PTPRZ1: variants seen among roughly 807,000 people sequenced by gnomAD.
The protein encoded by PTPRZ1 is protein tyrosine phosphatase receptor type Z1.
PTPRZ1 carries 82 observed loss-of-function variants against 214.1 expected under a neutral mutation model. That is an observed-to-expected ratio of 0.38 (90% CI 0.32 to 0.46). The LOEUF is 0.46. Ranked by LOEUF, PTPRZ1 falls within the 20% of genes least tolerant of loss-of-function variation. PTPRZ1 has a pLI of 1.00. For missense variants in PTPRZ1, 2,603 were observed against 2,748.7 expected (o/e 0.95, Z 1.19); for synonymous variants, 945 against 987.9 (o/e 0.96, Z 0.81).
intron 14 of PTPRZ1, among the ~76,000 whole-genome samples, chr7:122,030,227 A>G (rs1350995765): frequency 6.6e-6 from 1 of 152,014 alleles, no homozygotes; most frequent in African/African-American, 2.4e-5. Context: ...GATCACCTGA[A>G]TATGCATGTT....
chr7:121,948,935 C>T (rs1366182734), intron 2 of PTPRZ1, among the ~76,000 whole-genome samples: 1 of 152,074 alleles, frequency 6.6e-6, no homozygotes, highest in African/African-American at 2.4e-5. Flanking sequence ...AAATGTGAGA[C>T]AGGTCTCAGT....
rs370014497 is a variant in PTPRZ1 at position 121,976,843 on chromosome 7, G to A, written c.611G>A (p.Ser204Asn). The A allele has an allele frequency of 1.2e-6, 2 of 1,610,500 alleles. No individual in the cohort carries two copies. Among genetic ancestry groups the A allele is most frequent in the East Asian group, 2.2e-5 (1 of 44,660 alleles). The change falls in exon 6 of 30, where the codon AGT (serine) becomes AAT (asparagine). Residue 204 changes from serine (S) to asparagine (N), a missense_variant. By Grantham distance (46) the Ser-to-Asn change is conservative. Coordinates refer to ENST00000393386, the MANE Select transcript of PTPRZ1 (RefSeq NM_002851.3). ...KAIIDGVESV[S>N]RFGKQAALDP... ...ATTATTGATGGAGTCGAAAGTGTTA[G>A]TCGTTTTGGTAAGCTACTTGGGGAA...
intron 13 of PTPRZ1, chr7:122,028,169 C>A (rs1269272984): frequency 6.1e-6 from 1 of 163,382 alleles, no homozygotes; most frequent in Non-Finnish European, 1.3e-5. Flanking sequence ...GACATTATTT[C>A]TTTTCTTCTC....
At chr7:121,884,157 T>C (rs1794326196) in intron 1 of PTPRZ1, among the ~76,000 whole-genome samples, 1 of 152,190 alleles carries the variant, frequency 6.6e-6, no homozygotes, top group African/African-American at 2.4e-5. Context: ...TTTAAAAGTA[T>C]GACTGAATCG....
intron 1 of PTPRZ1, among the ~76,000 whole-genome samples, chr7:121,925,528 A>G (rs1795729834): frequency 6.6e-6 from 1 of 152,220 alleles, no homozygotes; most frequent in Non-Finnish European, 1.5e-5. Context: ...CAAAAATTGC[A>G]CCAAAGTTAA....
intron 21 of PTPRZ1, among the ~76,000 whole-genome samples, chr7:122,041,292 T>C (rs1799724732): frequency 6.6e-6 from 1 of 152,090 alleles, no homozygotes; most frequent in Admixed American, 6.5e-5. Context: ...AATATTTACC[T>C]CAACATATAA....
intron 17 of PTPRZ1, among the ~76,000 whole-genome samples, chr7:122,035,073 C>T (rs900763515): frequency 3.9e-5 from 6 of 152,122 alleles, no homozygotes; most frequent in South Asian, 2.1e-4. Flanking sequence ...TCCCTCCCCA[C>T]TCCAAAAACA....
intron 8 of PTPRZ1, among the ~76,000 whole-genome samples, chr7:121,987,215 A>G (rs1797785097): frequency 6.7e-6 from 1 of 149,668 alleles, no homozygotes; most frequent in African/African-American, 2.5e-5. Flanking sequence ...TTGCCTTCAG[A>G]TTGTTTGACC....
intron 1 of PTPRZ1, among the ~76,000 whole-genome samples, chr7:121,878,783 A>G (rs866753931): frequency 6.6e-6 from 1 of 152,212 alleles, no homozygotes; most frequent in Non-Finnish European, 1.5e-5. Flanking sequence ...GAAGAATTCA[A>G]TGAAAAATTC....
chr7:122,037,635 T>C lies in PTPRZ1; in HGVS notation c.5367+953T>C, dbSNP rs552335665. ...GGAATACTGAATTCAAATAAATGAGTACATAAGTATAAAGTGGGTTTGTTA... is the reference window on the plus strand; with the variant it reads ...GGAATACTGAATTCAAATAAATGAGCACATAAGTATAAAGTGGGTTTGTTA... On this transcript the variant is annotated intron_variant, in intron 18 of 29. Coordinates refer to ENST00000393386, the MANE Select transcript of PTPRZ1 (RefSeq NM_002851.3). Among the ~76,000 whole-genome samples, 33 of 152,258 alleles carry C rather than the reference T, an allele frequency of 2.2e-4. No individual in the cohort carries two copies. In the South Asian group the frequency reaches 6.6e-3, roughly 31 times the overall value.
chr7:121,927,822 A>G (rs1393018054), intron 1 of PTPRZ1, among the ~76,000 whole-genome samples: 5 of 152,198 alleles, frequency 3.3e-5, no homozygotes, highest in African/African-American at 1.2e-4. Context: ...GGTAACAAAA[A>G]TTTGGAGGCA....
intron 2 of PTPRZ1, among the ~76,000 whole-genome samples, chr7:121,958,310 G>A (rs1796772859): frequency 2.6e-5 from 4 of 152,136 alleles, no homozygotes; most frequent in Admixed American, 2.6e-4. Context: ...TCTCTGCTGT[G>A]TATGATACCC....
intron 2 of PTPRZ1, among the ~76,000 whole-genome samples, chr7:121,950,663 G>A (rs148318096): frequency 9.9e-5 from 15 of 152,206 alleles, no homozygotes; most frequent in Non-Finnish European, 1.8e-4. Flanking sequence ...GAGACCCCAG[G>A]GAAGTGATCA....
rs1284840380 is a variant in PTPRZ1 at position 121,996,404 on chromosome 7, T to C, written c.951T>C (p.Asn317=). 1 of 1,606,372 alleles carries C rather than the reference T, an allele frequency of 6.2e-7. No individual in the cohort carries two copies. Among genetic ancestry groups the C allele is most frequent in the African/African-American group, 1.3e-5 (1 of 74,748 alleles). ...HEAVCSSEPE[N]VQADPENYTS... is the part of the protein sequence containing the mutation. ...AAGTTTGTAGTTCAGAACCAGAAAATGTTCAGGCTGACCCAGAGAATTATA... is the reference window on the plus strand; with the variant it reads ...AAGTTTGTAGTTCAGAACCAGAAAACGTTCAGGCTGACCCAGAGAATTATA... Residue 317 remains asparagine, a synonymous_variant, in exon 9 of 30, where the codon AAT becomes AAC. Coordinates refer to ENST00000393386, the MANE Select transcript of PTPRZ1 (RefSeq NM_002851.3).
chr7:122,060,795 C>A (rs1792547942), intron 29 of PTPRZ1, among the ~76,000 whole-genome samples: 1 of 152,156 alleles, frequency 6.6e-6, no homozygotes, highest in African/African-American at 2.4e-5. Context: ...GTTAACAGAA[C>A]CCTGTCTCAT....
intron 17 of PTPRZ1, among the ~76,000 whole-genome samples, 189 bp downstream of exon 17, chr7:122,034,567 TTAA>T (rs1799481671): frequency 6.6e-6 from 1 of 152,192 alleles, no homozygotes; most frequent in Non-Finnish European, 1.5e-5. Flanking sequence ...CCTTCTGCAA[TTAA>T]TAACATCTGT....
At chr7:121,901,723 AATGACAC>A (rs1794966349) in intron 1 of PTPRZ1, among the ~76,000 whole-genome samples, 2 of 152,252 alleles carry the variant, frequency 1.3e-5, no homozygotes, top group South Asian at 4.1e-4. Flanking sequence ...TTTGTTTTTA[AATGACAC>A]ATAACAATTG....
intron 2 of PTPRZ1, among the ~76,000 whole-genome samples, chr7:121,964,452 A>C (rs1796979475): frequency 6.6e-6 from 1 of 152,170 alleles, no homozygotes; most frequent in Non-Finnish European, 1.5e-5. Flanking sequence ...ACTCACTGTC[A>C]TGAGTACAGG....
Position 122,010,699 on chromosome 7 carries a change from G to T in PTPRZ1, c.1653G>T (p.Met551Ile). Residue 551 changes from methionine (M) to isoleucine (I), a missense_variant, in exon 12 of 30, where the codon ATG (methionine) becomes ATT (isoleucine). By Grantham distance (10) the Met-to-Ile change is conservative. Coordinates refer to ENST00000393386, the MANE Select transcript of PTPRZ1 (RefSeq NM_002851.3). ...GSKTVLRSPH[M>I]NLSGTAESLN... ...AAACTGTTCTTAGATCTCCACATAT[G>T]AACTTGTCGGGGACTGCAGAATCCT... is the stretch of plus-strand genomic sequence containing the variant. 1 of 1,613,946 alleles carries T rather than the reference G, an allele frequency of 6.2e-7. No individual in the cohort carries two copies. The highest frequency in any genetic ancestry group is 2.2e-5 in the East Asian group (1 of 44,876).
Sources: allele counts gnomAD v4.1 joint callset (sites outside exome capture counted in the v4.1 genomes callset), GRCh38; gene constraint gnomAD v4.1.1; transcripts MANE v1.5; gene names NCBI Gene and HGNC (gene_info 2026-07-23, HGNC 2026-07-21).